The following C12orf42 variants were observed in gnomAD, a reference collection of about 807,000 sequenced individuals.
The protein encoded by C12orf42 is uncharacterized protein C12orf42.
In C12orf42, 25 loss-of-function variants were observed where a neutral mutation model predicts 21.6. The ratio of observed to expected loss-of-function variants is 1.16; its 90% CI spans 0.84 to 1.62. C12orf42 has a LOEUF of 1.62. C12orf42 is among the 40% of genes most tolerant of loss of function. C12orf42 has a pLI of 0.00. For synonymous variants in C12orf42, 174 were observed against 175.0 expected (o/e 0.99, Z 0.05); for missense variants, 483 against 459.3 (o/e 1.05, Z -0.47).
At chr12:103,366,071 A>G (rs2137820004) in intron 4 of C12orf42, among the ~76,000 whole-genome samples, 1 of 152,276 alleles carries the variant, frequency 6.6e-6, no homozygotes, top group South Asian at 2.1e-4. Flanking sequence ...CTATACTGTA[A>G]GGCCATAGTC....
At chr12:103,203,456 T>C in the C12orf42 span, among the ~76,000 whole-genome samples, 8 of 152,230 alleles carry the variant, frequency 5.3e-5, no homozygotes, top group African/African-American at 1.7e-4. Context: ...TGGGTTAACC[T>C]ATCAAAACTT....
At chr12:103,067,228 A>T in the C12orf42 span, among the ~76,000 whole-genome samples, 1 of 152,140 alleles carries the variant, frequency 6.6e-6, no homozygotes, top group Non-Finnish European at 1.5e-5. Context: ...TCCTGCACCC[A>T]ATGCTTCTGC....
At chr12:103,313,936 G>C (rs1263204669) in intron 4 of C12orf42, among the ~76,000 whole-genome samples, 1 of 152,128 alleles carries the variant, frequency 6.6e-6, no homozygotes, top group Non-Finnish European at 1.5e-5. Context: ...AATCTACAGG[G>C]GGAAGGCGGC....
chr12:103,537,461 T>G, the C12orf42 span, among the ~76,000 whole-genome samples: 2 of 152,226 alleles, frequency 1.3e-5, no homozygotes, highest in Non-Finnish European at 2.9e-5. Flanking sequence ...TTTCTAGAGC[T>G]GGCTGACACC....
At chr12:103,112,926 G>A in the C12orf42 span, among the ~76,000 whole-genome samples, 50 of 152,214 alleles carry the variant, frequency 3.3e-4, no homozygotes, top group African/African-American at 1.2e-3. Context: ...TCACCTCACC[G>A]TTTACTGGTC....
chr12:103,376,508 G>T (rs920512249), intron 3 of C12orf42, among the ~76,000 whole-genome samples: 1 of 152,008 alleles, frequency 6.6e-6, no homozygotes, highest in Non-Finnish European at 1.5e-5. Context: ...AACCACCATG[G>T]CACATGTATA....
At chr12:103,403,145 G>A (rs2048150420) in intron 2 of C12orf42, among the ~76,000 whole-genome samples, 1 of 152,262 alleles carries the variant, frequency 6.6e-6, no homozygotes, top group African/African-American at 2.4e-5. Context: ...GGAGGCCGAG[G>A]CGGGCGGATC....
intron 4 of C12orf42, among the ~76,000 whole-genome samples, chr12:103,360,390 G>A (rs2043987979): frequency 6.6e-6 from 1 of 151,716 alleles, no homozygotes; most frequent in South Asian, 2.1e-4. Flanking sequence ...CCTCATTCTG[G>A]AGGGTTCCTA....
At chr12:103,511,763 C>A in the C12orf42 span, among the ~76,000 whole-genome samples, 1 of 152,152 alleles carries the variant, frequency 6.6e-6, no homozygotes, top group Admixed American at 6.5e-5. Flanking sequence ...TGATTTGATA[C>A]CTCTTCAAAC....
At chr12:103,201,848 G>C in the C12orf42 span, among the ~76,000 whole-genome samples, 12 of 152,144 alleles carry the variant, frequency 7.9e-5, no homozygotes, top group East Asian at 1.4e-3. Context: ...AGTTGAATAA[G>C]AAAATCACTC....
intron 10 of C12orf42, among the ~76,000 whole-genome samples, chr12:103,255,455 T>C (rs1050652567): frequency 6.6e-6 from 1 of 152,184 alleles, no homozygotes; most frequent in Admixed American, 6.5e-5. Flanking sequence ...CCCATTTAAA[T>C]TTTAGATTTG....
At chr12:103,321,399 A>G (rs1248782761) in intron 4 of C12orf42, among the ~76,000 whole-genome samples, 3 of 145,444 alleles carry the variant, frequency 2.1e-5, no homozygotes, top group Non-Finnish European at 4.5e-5. Flanking sequence ...AAATAGGAAC[A>G]CTTTTACACT....
At chr12:103,160,101 G>C in the C12orf42 span, among the ~76,000 whole-genome samples, 1 of 152,174 alleles carries the variant, frequency 6.6e-6, no homozygotes, top group African/African-American at 2.4e-5. Flanking sequence ...CTGATAATGA[G>C]CATTGCGCTT....
At chr12:103,361,773 GCA>G (rs2044135718) in intron 4 of C12orf42, among the ~76,000 whole-genome samples, 1 of 151,964 alleles carries the variant, frequency 6.6e-6, no homozygotes, top group South Asian at 2.1e-4. Flanking sequence ...CACAGCAGAG[GCA>G]GCCATAATCT....
intron 5 of C12orf42, among the ~76,000 whole-genome samples, chr12:103,275,393 C>T (rs139345547): frequency 6.6e-6 from 1 of 151,988 alleles, no homozygotes; most frequent in Admixed American, 6.5e-5. Flanking sequence ...AATATTGACA[C>T]AAGAAACAAA....
At chr12:103,070,879 T>C in the C12orf42 span, among the ~76,000 whole-genome samples, 1 of 152,196 alleles carries the variant, frequency 6.6e-6, no homozygotes, top group Non-Finnish European at 1.5e-5. Flanking sequence ...AAAATATATC[T>C]TCAAGAAAGA....
At chr12:103,375,134 T>C (rs1444807407) in intron 3 of C12orf42, among the ~76,000 whole-genome samples, 2 of 152,166 alleles carry the variant, frequency 1.3e-5, no homozygotes, top group Non-Finnish European at 2.9e-5. Context: ...TGCTTTAAAT[T>C]ACATATAAAT....
At chr12:103,283,216 G>T (rs1383158873) in intron 4 of C12orf42, among the ~76,000 whole-genome samples, 1 of 152,130 alleles carries the variant, frequency 6.6e-6, no homozygotes, top group Non-Finnish European at 1.5e-5. Flanking sequence ...TACCACGTAG[G>T]CATGGAGTAA....
intron 3 of C12orf42, among the ~76,000 whole-genome samples, chr12:103,377,885 A>T (rs2045842836): frequency 6.6e-6 from 1 of 152,196 alleles, no homozygotes; most frequent in African/African-American, 2.4e-5. Flanking sequence ...TTTTTAACCA[A>T]CTTCACAGCT....
Sources: allele counts gnomAD v4.1 joint callset (sites outside exome capture counted in the v4.1 genomes callset), GRCh38; gene constraint gnomAD v4.1.1; transcripts MANE v1.5; gene names NCBI Gene and HGNC (gene_info 2026-07-23, HGNC 2026-07-21).